Variants in OR51B5 observed in about 807,000 individuals in gnomAD.
OR51B5 encodes olfactory receptor 51B5.
For missense variants in OR51B5, 456 were observed against 374.6 expected (o/e 1.22, Z -1.79); for synonymous variants, 186 against 144.8 (o/e 1.28, Z -2.04).
intron 1 of OR51B5, among the ~76,000 whole-genome samples, chr11:5,469,640 T>C (rs1851196391): frequency 6.6e-6 from 1 of 152,214 alleles, no homozygotes. Context: ...GAGCTCCAGG[T>C]TCTTCCCCAT....
chr11:5,488,508 A>T (rs1371783468), intron 1 of OR51B5, among the ~76,000 whole-genome samples: 1 of 152,204 alleles, frequency 6.6e-6, no homozygotes, highest in Non-Finnish European at 1.5e-5. Context: ...TTCAATATAG[A>T]AATTAGCAGA....
intron 1 of OR51B5, chr11:5,489,826 T>A: frequency 3.3e-6 from 2 of 614,224 alleles, no homozygotes; most frequent in South Asian, 4.3e-5. Context: ...ATTATCACAC[T>A]GAACATACTA....
At chr11:5,453,454 T>C in intron 1 of OR51B5, 1 of 1,452,078 alleles carries the variant, frequency 6.9e-7, no homozygotes. Flanking sequence ...AGTCAGAAGA[T>C]CTGACTCTGA....
At chr11:5,442,466 T>C (rs1206469724) in intron 1 of OR51B5, among the ~76,000 whole-genome samples, 2 of 152,160 alleles carry the variant, frequency 1.3e-5, no homozygotes, top group African/African-American at 4.8e-5. Context: ...CCAGTGGATA[T>C]TCATTCTCTC....
At chr11:5,409,421 A>T (rs1173053575) in intron 1 of OR51B5, among the ~76,000 whole-genome samples, 1 of 152,218 alleles carries the variant, frequency 6.6e-6, no homozygotes, top group African/African-American at 2.4e-5. Context: ...AAAGTAAAGG[A>T]AAATGGGAAA....
At chr11:5,446,052 CAAT>C (rs985331953) in intron 1 of OR51B5, among the ~76,000 whole-genome samples, 16 of 151,996 alleles carry the variant, frequency 1.1e-4, no homozygotes, top group African/African-American at 3.4e-4. Flanking sequence ...GGGAATTGAA[CAAT>C]GAGAACATTT....
chr11:5,390,112 A>T (rs1187983143), intron 1 of OR51B5: 2 of 1,613,816 alleles, frequency 1.2e-6, no homozygotes, highest in Non-Finnish European at 1.7e-6. Flanking sequence ...ACACAGTAGC[A>T]GGCCTGGCCT....
intron 1 of OR51B5, among the ~76,000 whole-genome samples, chr11:5,396,217 C>T (rs560083252): frequency 1.3e-5 from 2 of 152,128 alleles, no homozygotes; most frequent in Non-Finnish European, 2.9e-5. Context: ...AAGTTCTGGC[C>T]CGGGCAATCG....
chr11:5,396,830 A>C (rs1196691390), intron 1 of OR51B5, among the ~76,000 whole-genome samples: 2 of 152,228 alleles, frequency 1.3e-5, no homozygotes, highest in African/African-American at 2.4e-5. Flanking sequence ...TAACCAAAAC[A>C]GCATAGTACT....
At chr11:5,435,587 A>G (rs1589994732) in intron 1 of OR51B5, among the ~76,000 whole-genome samples, 1 of 152,182 alleles carries the variant, frequency 6.6e-6, no homozygotes, top group African/African-American at 2.4e-5. Context: ...TAACTGGATG[A>G]ATAAATAACT....
At chr11:5,498,754 T>C (rs116777075) in intron 1 of OR51B5, among the ~76,000 whole-genome samples, 266 of 152,278 alleles carry the variant, frequency 1.7e-3, no homozygotes, top group Middle Eastern at 6.8e-3. Flanking sequence ...AATAGAACTT[T>C]CGTGTTCCTG....
chr11:5,487,857 C>T (rs537684604), intron 1 of OR51B5, among the ~76,000 whole-genome samples: 1 of 152,280 alleles, frequency 6.6e-6, no homozygotes, highest in South Asian at 2.1e-4. Context: ...TTACCTCACA[C>T]TTCCTTCTGG....
chr11:5,394,571 A>G (rs1445348682), intron 1 of OR51B5, among the ~76,000 whole-genome samples: 15 of 152,208 alleles, frequency 9.9e-5, no homozygotes, highest in Non-Finnish European at 1.9e-4. Flanking sequence ...TTGATACTGT[A>G]TTTGTAAAAC....
chr11:5,417,961 A>G (rs1850267825), intron 1 of OR51B5, among the ~76,000 whole-genome samples: 1 of 147,726 alleles, frequency 6.8e-6, no homozygotes, highest in African/African-American at 2.5e-5. Context: ...ACACATGCAC[A>G]CGTATGTTTA....
At chr11:5,389,291 C>T (rs1849751562) in intron 1 of OR51B5, 2 of 1,073,934 alleles carry the variant, frequency 1.9e-6, no homozygotes, top group Non-Finnish European at 1.4e-6. Flanking sequence ...GTAGATAATA[C>T]TAAAGGTGAT....
chr11:5,399,084 C>A (rs1178084802), intron 1 of OR51B5, among the ~76,000 whole-genome samples: 1 of 152,128 alleles, frequency 6.6e-6, no homozygotes, highest in Non-Finnish European at 1.5e-5. Flanking sequence ...GGAATCACAT[C>A]CTAAATTGGT....
chr11:5,442,985 C>T (rs1285427767), intron 1 of OR51B5, among the ~76,000 whole-genome samples: 1 of 152,096 alleles, frequency 6.6e-6, no homozygotes, highest in African/African-American at 2.4e-5. Flanking sequence ...TCTCTGCCTT[C>T]TTTACTGAAT....
intron 1 of OR51B5, among the ~76,000 whole-genome samples, chr11:5,493,007 C>T (rs1851601484): frequency 6.6e-6 from 1 of 152,188 alleles, no homozygotes; most frequent in Admixed American, 6.5e-5. Context: ...ACATGTTTAA[C>T]ATCAGTCTGA....
chr11:5,346,877 T>C (rs540805936), upstream of OR51B5: 10 of 152,286 alleles, frequency 6.6e-5, no homozygotes, highest in South Asian at 2.1e-3. Context: ...GTGTCTTACC[T>C]AAAGACTTAG....
Sources: allele counts gnomAD v4.1 joint callset (sites outside exome capture counted in the v4.1 genomes callset), GRCh38; gene constraint gnomAD v4.1.1; transcripts MANE v1.5; gene names NCBI Gene and HGNC (gene_info 2026-07-23, HGNC 2026-07-21).